ADAMTS14: variants seen among roughly 807,000 people sequenced by gnomAD.
ADAMTS14 encodes A disintegrin and metalloproteinase with thrombospondin motifs 14.
Under a neutral mutation model 128.6 loss-of-function variants are expected in ADAMTS14, and 100 were observed. The ratio of observed to expected loss-of-function variants is 0.78; its 90% CI spans 0.66 to 0.92. ADAMTS14 has a LOEUF of 0.92. Among genes scored for constraint, ADAMTS14 ranks in the 40% least tolerant of loss-of-function variants. The pLI is 0.00. For synonymous variants in ADAMTS14, 665 were observed against 653.8 expected, an observed-to-expected ratio of 1.02 and a Z score of -0.26; for missense variants, 1,562 against 1,658.6, an observed-to-expected ratio of 0.94 and a Z score of 1.01.
At chr10:70,754,645 G>A (rs75447324) in intron 19 of ADAMTS14, among the ~76,000 whole-genome samples, 1,625 of 152,294 alleles carry the variant, frequency 0.011, 26 homozygotes, top group African/African-American at 0.036. Context: ...AGGGATAGGG[G>A]CTGCGAGATA....
At chr10:70,734,200 G>A (rs1841748212) in intron 8 of ADAMTS14, among the ~76,000 whole-genome samples, 172 bp downstream of exon 8, 1 of 152,182 alleles carries the variant, frequency 6.6e-6, no homozygotes, top group South Asian at 2.1e-4. Context: ...AGCATAGCAG[G>A]TGGGTTAGTC....
intron 21 of ADAMTS14, among the ~76,000 whole-genome samples, chr10:70,760,081 T>C (rs1385790175): frequency 2.2e-5 from 3 of 139,022 alleles, no homozygotes; most frequent in Non-Finnish European, 4.7e-5. Flanking sequence ...AGGATGTGCA[T>C]TGCCAGCAAG....
intron 15 of ADAMTS14, among the ~76,000 whole-genome samples, chr10:70,747,276 T>C (rs1025715923): frequency 1.3e-5 from 2 of 152,016 alleles, no homozygotes; most frequent in East Asian, 3.9e-4. Flanking sequence ...CCAAAGTGGA[T>C]TGGGGGCCTC....
intron 4 of ADAMTS14, among the ~76,000 whole-genome samples, chr10:70,715,333 G>A (rs1841004825): frequency 6.6e-6 from 1 of 152,142 alleles, no homozygotes; most frequent in Non-Finnish European, 1.5e-5. Context: ...GAGAGGGAGT[G>A]CTTGTATGCA....
At chr10:70,727,302 G>C (rs16927849) in intron 4 of ADAMTS14, among the ~76,000 whole-genome samples, 18,846 of 152,264 alleles carry the variant, frequency 0.12, 1,477 homozygotes, top group East Asian at 0.31. Flanking sequence ...TGTCACGCCT[G>C]TGTGGTTGGA....
rs771880249 is a variant in ADAMTS14, at chr10:70,751,442, T to C, written c.2428-36T>C. On this transcript the variant is annotated intron_variant, in intron 16 of 21. Transcript: ENST00000373207. ...CCAGTGCATGCCGCCCTTGCTTCTTTCTCTGGTCCTGTGCCAGCTCCCCAT... is the reference window on the plus strand; with the variant it reads ...CCAGTGCATGCCGCCCTTGCTTCTTCCTCTGGTCCTGTGCCAGCTCCCCAT... The C allele has an allele frequency of 5.0e-6, 8 of 1,584,950 alleles. No individual in the cohort carries two copies. The South Asian group carries it at 8.9e-5, about 18-fold the overall frequency.
chr10:70,679,313 G>A (rs904755344), intron 2 of ADAMTS14, among the ~76,000 whole-genome samples: 1 of 152,084 alleles, frequency 6.6e-6, no homozygotes, highest in African/African-American at 2.4e-5. Flanking sequence ...GCCTGGTCCT[G>A]CCTGCAAAGT....
chr10:70,749,023 G>T (rs1842267539), intron 15 of ADAMTS14, among the ~76,000 whole-genome samples: 1 of 152,206 alleles, frequency 6.6e-6, no homozygotes, highest in South Asian at 2.1e-4. Flanking sequence ...GACATTAAGG[G>T]GTAGAAATTT....
intron 12 of ADAMTS14, among the ~76,000 whole-genome samples, chr10:70,742,718 G>T (rs1029848806): frequency 6.6e-6 from 1 of 152,190 alleles, no homozygotes; most frequent in Admixed American, 6.5e-5. Flanking sequence ...ACTGTTAGAC[G>T]AATTCCAGGA....
At chr10:70,737,475 G>A (rs571783612) in intron 10 of ADAMTS14, among the ~76,000 whole-genome samples, 7 of 152,322 alleles carry the variant, frequency 4.6e-5, no homozygotes, top group African/African-American at 1.4e-4. Flanking sequence ...GTCAAGGCAC[G>A]TGAGGGAGCA....
At chr10:70,708,820 G>T (rs778040680) in intron 4 of ADAMTS14, 42 bp downstream of exon 4, 1 of 1,344,664 alleles carries the variant, frequency 7.4e-7, no homozygotes, top group South Asian at 1.6e-5. Context: ...GAGTGGGGTG[G>T]GGTGGGCCCC....
intron 4 of ADAMTS14, among the ~76,000 whole-genome samples, chr10:70,710,635 C>T (rs538665090): frequency 3.9e-5 from 6 of 152,360 alleles, no homozygotes; most frequent in Non-Finnish European, 7.3e-5. Context: ...CAGTCTGACT[C>T]GGCCCCTTCC....
intron 4 of ADAMTS14, among the ~76,000 whole-genome samples, chr10:70,710,401 G>A (rs1840811563): frequency 1.3e-5 from 2 of 152,206 alleles, no homozygotes. Flanking sequence ...GCCCTCACTG[G>A]CCTTGATGTT....
rs1316079041 is a variant in ADAMTS14 at position 70,754,886 on chromosome 10, C to T, written c.2937+879C>T. On this transcript the variant is annotated intron_variant, in intron 19 of 21. Coordinates refer to ENST00000373207, the MANE Select transcript of ADAMTS14 (RefSeq NM_080722.4). ...TTAGTTATTTGGGTGCTCTGTGGCTCAGACCCTGGAGGCCACCTTCGGGAA... is the reference window on the plus strand; with the variant it reads ...TTAGTTATTTGGGTGCTCTGTGGCTTAGACCCTGGAGGCCACCTTCGGGAA... Among the ~76,000 whole-genome samples the T allele has an allele frequency of 2.6e-5, 4 of 151,250 alleles. No individual in the cohort carries two copies. In the East Asian group the frequency reaches 7.8e-4, roughly 29 times the overall value.
intron 7 of ADAMTS14, among the ~76,000 whole-genome samples, chr10:70,733,111 G>A (rs1841703311): frequency 6.6e-6 from 1 of 152,120 alleles, no homozygotes; most frequent in African/African-American, 2.4e-5. Flanking sequence ...GCTCCTCCAG[G>A]CAGGTGGGAC....
chr10:70,687,393 T>A (rs1840008720), intron 2 of ADAMTS14, among the ~76,000 whole-genome samples: 1 of 39,464 alleles, frequency 2.5e-5, no homozygotes, highest in Admixed American at 2.5e-4. Flanking sequence ...GGCTCCTCAC[T>A]TCCCAGTAGG....
intron 4 of ADAMTS14, among the ~76,000 whole-genome samples, chr10:70,723,171 C>G (rs1416302679): frequency 6.6e-6 from 1 of 152,150 alleles, no homozygotes; most frequent in African/African-American, 2.4e-5. Flanking sequence ...ATCAGACGTA[C>G]CCTAATTGAA....
intron 9 of ADAMTS14, 69 bp from the exon 10 acceptor site, chr10:70,736,611 C>G (rs1841834826): frequency 6.9e-7 from 1 of 1,453,348 alleles, no homozygotes; most frequent in Non-Finnish European, 9.5e-7. Flanking sequence ...TCTTTTCTCT[C>G]CATCACTACC....
rs753757277 is a variant in ADAMTS14, at chr10:70,730,119, G to A, written c.972G>A (p.Glu324=). 1.4e-5 allele frequency: 23 copies of A among 1,607,180 alleles called. No individual in the cohort carries two copies. Among genetic ancestry groups the A allele is most frequent in the Middle Eastern group, 1.8e-4 (1 of 5,498 alleles). Residue 324 remains glutamate, a synonymous_variant, in exon 6 of 22, where the codon GAG becomes GAA. Coordinates refer to ENST00000373207, the MANE Select transcript of ADAMTS14 (RefSeq NM_080722.4). The part of the protein sequence containing the change: ...VGYRQSLSLI[E]RGNPSRSLEQ... The stretch of plus-strand genomic sequence containing the variant: ...CCCTGCAGTCCCTGAGCCTGATCGA[G>A]CGCGGGAACCCCTCACGCAGCCTGG...
Sources: allele counts gnomAD v4.1 joint callset (sites outside exome capture counted in the v4.1 genomes callset), GRCh38; gene constraint gnomAD v4.1.1; transcripts MANE v1.5; gene names NCBI Gene and HGNC (gene_info 2026-07-23, HGNC 2026-07-21).